Variants in FBXO34 observed in about 807,000 individuals in gnomAD.
The protein encoded by FBXO34 is F-box protein 34, also known as F-box only protein 34.
Under a neutral mutation model 24.5 loss-of-function variants are expected in FBXO34, and 12 were observed. The observed-to-expected ratio is 0.49, with a 90% CI of 0.31 to 0.79. The LOEUF (loss-of-function observed/expected upper bound fraction) is 0.79, where lower values mean the gene tolerates loss of function less well. Among genes scored for constraint, FBXO34 ranks in the 30% least tolerant of loss-of-function variants. The pLI, the probability that FBXO34 is intolerant of heterozygous loss-of-function variation, is 0.04. For missense variants in FBXO34, 823 were observed against 857.7 expected, an observed-to-expected ratio of 0.96 and a Z score of 0.51; for synonymous variants, 320 against 311.9, an observed-to-expected ratio of 1.03 and a Z score of -0.27.
At chr14:55,407,535 G>A in the FBXO34 span, among the ~76,000 whole-genome samples, 13 of 152,214 alleles carry the variant, frequency 8.5e-5, 1 homozygote, top group Admixed American at 8.5e-4. Flanking sequence ...AAAGTGCTGG[G>A]ATTACAGGCA....
chr14:55,343,942 G>C (rs1431398339), intron 1 of FBXO34, among the ~76,000 whole-genome samples: 2 of 152,134 alleles, frequency 1.3e-5, no homozygotes, highest in Non-Finnish European at 2.9e-5. Context: ...CTGTCTTTAG[G>C]TGAGAGTTTT....
the FBXO34 span, chr14:55,380,747 T>C: frequency 6.7e-6 from 8 of 1,189,114 alleles, no homozygotes; most frequent in Middle Eastern, 1.9e-4. Flanking sequence ...AAACTACTAA[T>C]AATCCACGAG....
the FBXO34 span, among the ~76,000 whole-genome samples, chr14:55,404,022 G>A: frequency 3.3e-5 from 5 of 152,318 alleles, no homozygotes; most frequent in African/African-American, 1.2e-4. Flanking sequence ...AATGGTCACT[G>A]AGAGTTATTC....
intron 1 of FBXO34, among the ~76,000 whole-genome samples, chr14:55,347,419 T>C (rs1001141696): frequency 6.6e-6 from 1 of 152,238 alleles, no homozygotes; most frequent in African/African-American, 2.4e-5. Flanking sequence ...TTGTAGTTTC[T>C]CTGTGTCTTG....
At chr14:55,393,902 T>G in the FBXO34 span, among the ~76,000 whole-genome samples, 1 of 152,184 alleles carries the variant, frequency 6.6e-6, no homozygotes, top group African/African-American at 2.4e-5. Flanking sequence ...AAATCATACT[T>G]TATCCTAGTT....
chr14:55,375,413 CCTCAA>C, the FBXO34 span, among the ~76,000 whole-genome samples: 1,698 of 151,996 alleles, frequency 0.011, 14 homozygotes, highest in Middle Eastern at 0.027. Context: ...GCCTGGAGCT[CCTCAA>C]CTCAGGCGAC....
downstream of FBXO34, among the ~76,000 whole-genome samples, chr14:55,373,983 T>C (rs1454708915): frequency 6.6e-6 from 1 of 152,078 alleles, no homozygotes; most frequent in Non-Finnish European, 1.5e-5. Context: ...GCCATAAACT[T>C]AGATGTGACT....
chr14:55,285,051 C>A (rs1389063532), intron 1 of FBXO34, among the ~76,000 whole-genome samples: 3 of 147,752 alleles, frequency 2.0e-5, no homozygotes, highest in African/African-American at 7.3e-5. Flanking sequence ...AAAAAAAAAA[C>A]TGCAAAGATC....
At chr14:55,311,656 C>CA (rs1882746191) in intron 1 of FBXO34, among the ~76,000 whole-genome samples, 1 of 152,106 alleles carries the variant, frequency 6.6e-6, no homozygotes, top group South Asian at 2.1e-4. Context: ...GAAATTAGCC[C>CA]AAACAAAGGG....
the FBXO34 span, chr14:55,391,167 T>C: frequency 1.9e-6 from 1 of 518,654 alleles, no homozygotes. Context: ...GATGTTTTTC[T>C]AGTTCAATGC....
At chr14:55,394,393 T>TA in the FBXO34 span, among the ~76,000 whole-genome samples, 993 of 152,286 alleles carry the variant, frequency 6.5e-3, 12 homozygotes, top group African/African-American at 0.023. Context: ...TTAATATACA[T>TA]ACCCAAAATC....
chr14:55,331,721 A>T (rs1290349342), intron 1 of FBXO34, among the ~76,000 whole-genome samples: 1 of 43,244 alleles, frequency 2.3e-5, no homozygotes, highest in Non-Finnish European at 4.1e-5. Flanking sequence ...ATATATGTAT[A>T]TATATATGTA....
chr14:55,341,469 C>G (rs1883988708), intron 1 of FBXO34, among the ~76,000 whole-genome samples: 1 of 152,168 alleles, frequency 6.6e-6, no homozygotes, highest in Non-Finnish European at 1.5e-5. Context: ...CATCAGCCCA[C>G]TCAAGGAAGT....
the FBXO34 span, chr14:55,377,870 G>C: frequency 6.2e-7 from 1 of 1,606,110 alleles, no homozygotes; most frequent in Admixed American, 1.7e-5. Context: ...ATTCCTGAGG[G>C]TATGCAGTGG....
the FBXO34 span, among the ~76,000 whole-genome samples, chr14:55,386,937 A>G: frequency 6.6e-6 from 1 of 152,142 alleles, no homozygotes; most frequent in Non-Finnish European, 1.5e-5. Flanking sequence ...AATCTTCTCC[A>G]GTTTCCCTAC....
the FBXO34 span, among the ~76,000 whole-genome samples, chr14:55,384,402 T>C: frequency 4.6e-5 from 7 of 152,224 alleles, no homozygotes; most frequent in Admixed American, 1.3e-4. Context: ...TCAGCACTGC[T>C]ACAACACTAT....
intron 1 of FBXO34, among the ~76,000 whole-genome samples, chr14:55,298,473 C>T (rs1882217564): frequency 6.6e-6 from 1 of 152,158 alleles, no homozygotes; most frequent in Non-Finnish European, 1.5e-5. Context: ...GAAACATACA[C>T]AGAAGTAGAG....
At chr14:55,440,865 T>G in the FBXO34 span, among the ~76,000 whole-genome samples, 7 of 152,160 alleles carry the variant, frequency 4.6e-5, no homozygotes, top group East Asian at 1.9e-4. Flanking sequence ...AAAGGGATTT[T>G]TTGTTGTTGT....
At chr14:55,278,454 A>C (rs1171681998) in intron 1 of FBXO34, among the ~76,000 whole-genome samples, 1 of 152,174 alleles carries the variant, frequency 6.6e-6, no homozygotes, top group Non-Finnish European at 1.5e-5. Context: ...TAAAAAGTCC[A>C]AAGTTGAGGC....
Sources: gnomAD v4.1 joint callset for allele counts (sites outside exome capture counted in the v4.1 genomes callset) on GRCh38, gnomAD v4.1.1 for gene constraint, MANE v1.5 for transcripts, NCBI Gene and HGNC (gene_info 2026-07-23, HGNC 2026-07-21) for gene names.